The following DPYD variants were observed in gnomAD, a reference collection of about 807,000 sequenced individuals.
DPYD encodes dihydropyrimidine dehydrogenase [NADP(+)].
Under a neutral mutation model 116.2 loss-of-function variants are expected in DPYD, and 109 were observed. That is an observed-to-expected ratio of 0.94 (90% confidence interval 0.80 to 1.10). The LOEUF (loss-of-function observed/expected upper bound fraction) is 1.10. DPYD is among the 50% of genes least tolerant of loss of function. The probability of loss-of-function intolerance (pLI) is 0.00; values close to 1 mark genes in which losing one functional copy is unlikely to be tolerated. For missense variants in DPYD, 1,302 were observed against 1,254.5 expected, an observed-to-expected ratio of 1.04 and a Z score of -0.57; for synonymous variants, 440 against 432.0, an observed-to-expected ratio of 1.02 and a Z score of -0.23.
chr1:97,721,812 T>A, intron 4 of DPYD, 141 bp from the exon 5 acceptor site: 1 of 756,378 alleles, frequency 1.3e-6, no homozygotes, highest in Non-Finnish European at 2.1e-6. Flanking sequence ...TCAATACTAC[T>A]ATCAGGAACC....
At chr1:97,916,096 A>G (rs1674198258) in intron 1 of DPYD, among the ~76,000 whole-genome samples, 1 of 152,194 alleles carries the variant, frequency 6.6e-6, no homozygotes, top group Non-Finnish European at 1.5e-5. Flanking sequence ...AAAGAAAGGT[A>G]TGATTGCTTA....
At chr1:97,598,087 T>G (rs1427368960) in intron 8 of DPYD, among the ~76,000 whole-genome samples, 1 of 152,158 alleles carries the variant, frequency 6.6e-6, no homozygotes, top group Non-Finnish European at 1.5e-5. Flanking sequence ...TTAAGATAGG[T>G]TTATTCTATA....
chr1:97,205,012 T>C (rs1659492914), intron 19 of DPYD, among the ~76,000 whole-genome samples: 1 of 152,034 alleles, frequency 6.6e-6, no homozygotes, highest in South Asian at 2.1e-4. Context: ...TGCTTTTTAG[T>C]ACACTTTTAG....
intron 14 of DPYD, among the ~76,000 whole-genome samples, chr1:97,412,038 T>C (rs752303283): frequency 3.9e-5 from 6 of 152,238 alleles, no homozygotes; most frequent in Non-Finnish European, 5.9e-5. Flanking sequence ...TTACAATGCA[T>C]GCAAAGGGTA....
intron 3 of DPYD, 72 bp downstream of exon 3, chr1:97,828,042 G>T: frequency 7.0e-7 from 1 of 1,423,792 alleles, no homozygotes; most frequent in Non-Finnish European, 9.9e-7. Context: ...GAACTCATTT[G>T]TTCCCCAAAT....
At chr1:97,345,762 A>G (rs1372789115) in intron 16 of DPYD, among the ~76,000 whole-genome samples, 1 of 151,954 alleles carries the variant, frequency 6.6e-6, no homozygotes, top group African/African-American at 2.4e-5. Flanking sequence ...CACTTGCTTT[A>G]TATGATAACA....
intron 8 of DPYD, among the ~76,000 whole-genome samples, chr1:97,669,302 G>T (rs1283547426): frequency 6.6e-6 from 1 of 152,084 alleles, no homozygotes; most frequent in African/African-American, 2.4e-5. Context: ...CATTTTAAGA[G>T]TTTATGTTTC....
chr1:97,729,097 G>A lies in DPYD; in HGVS notation c.322-7426C>T, dbSNP rs189301816. ...CTACACATTTGGTTCAGTGAGCCTC[G>A]TTTAAGCCTATACATGTAAGGAAAT... On this transcript the variant is annotated intron_variant, in intron 4 of 22. Coordinates refer to ENST00000370192, the MANE Select transcript of DPYD (RefSeq NM_000110.4). 8.5e-5 allele frequency among the ~76,000 whole-genome samples: 13 copies of A among 152,088 alleles called. No homozygotes were observed. In the East Asian group the frequency reaches 1.9e-3, roughly 23 times the overall value.
chr1:97,548,335 CT>C (rs780878911), intron 12 of DPYD, among the ~76,000 whole-genome samples: 12 of 152,208 alleles, frequency 7.9e-5, no homozygotes, highest in Admixed American at 6.5e-4. Context: ...GGTAGTTACA[CT>C]TTTCTTCCTC....
In DPYD at chr1:97,170,683, T is replaced by C. The variant is rs533881034; in HGVS notation, c.2622+22386A>G. On this transcript the variant is annotated intron_variant, in intron 20 of 22. Coordinates refer to ENST00000370192, the MANE Select transcript of DPYD (RefSeq NM_000110.4). ...AATACTTTCTTCTTTCCATTTCTTT[T>C]TTTTTTTTTTGAGATAGAGTCCCGC... Among the ~76,000 whole-genome samples, 73 of 151,952 alleles carry C rather than the reference T, an allele frequency of 4.8e-4. 1 individual carries two copies. The highest frequency in any genetic ancestry group is 1.7e-3 in the African/African-American group (70 of 41,456).
intron 13 of DPYD, among the ~76,000 whole-genome samples, chr1:97,466,457 C>A (rs1276882363): frequency 3.3e-5 from 5 of 150,916 alleles, no homozygotes; most frequent in African/African-American, 1.2e-4. Context: ...GTAACAACGA[C>A]AACAAATACA....
chr1:97,624,890 G>A (rs970680077), intron 8 of DPYD, among the ~76,000 whole-genome samples: 1 of 151,976 alleles, frequency 6.6e-6, no homozygotes, highest in African/African-American at 2.4e-5. Context: ...GTTCTCACTT[G>A]GATGTCGAAT....
intron 19 of DPYD, among the ~76,000 whole-genome samples, chr1:97,212,838 A>G (rs1660125839): frequency 6.6e-6 from 1 of 152,154 alleles, no homozygotes; most frequent in Non-Finnish European, 1.5e-5. Context: ...TTCATATCAC[A>G]ACTTGCCATC....
intron 1 of DPYD, among the ~76,000 whole-genome samples, chr1:97,896,367 C>A (rs975688945): frequency 6.6e-6 from 1 of 151,714 alleles, no homozygotes; most frequent in African/African-American, 2.4e-5. Flanking sequence ...ATTCAGCTAC[C>A]CACTGAGTCT....
intron 16 of DPYD, among the ~76,000 whole-genome samples, chr1:97,367,923 G>A (rs1189552481): frequency 6.6e-6 from 1 of 151,886 alleles, no homozygotes; most frequent in Non-Finnish European, 1.5e-5. Flanking sequence ...GTATGCACTG[G>A]GTTTCTATCT....
At chr1:97,483,240 GT>G (rs1438524769) in intron 13 of DPYD, among the ~76,000 whole-genome samples, 1 of 152,158 alleles carries the variant, frequency 6.6e-6, no homozygotes. Flanking sequence ...TTCCTTTGCA[GT>G]CCTATCAGAA....
At chr1:97,108,786 G>A (rs1482051823) in intron 20 of DPYD, among the ~76,000 whole-genome samples, 5 of 151,948 alleles carry the variant, frequency 3.3e-5, no homozygotes. Context: ...TTGATGTCTA[G>A]TTACAAACTC....
chr1:97,782,575 G>A (rs780301084), intron 3 of DPYD, among the ~76,000 whole-genome samples: 2 of 152,084 alleles, frequency 1.3e-5, no homozygotes, highest in Non-Finnish European at 2.9e-5. Flanking sequence ...TTACTAAACT[G>A]TATTCTAATT....
At chr1:97,666,258 G>C (rs980619300) in intron 8 of DPYD, among the ~76,000 whole-genome samples, 1 of 151,924 alleles carries the variant, frequency 6.6e-6, no homozygotes, top group Non-Finnish European at 1.5e-5. Flanking sequence ...TTGCAGCCTT[G>C]ACCTCCTGGG....
Sources: gnomAD v4.1 joint callset for allele counts (sites outside exome capture counted in the v4.1 genomes callset) on GRCh38, gnomAD v4.1.1 for gene constraint, MANE v1.5 for transcripts, NCBI Gene and HGNC (gene_info 2026-07-23, HGNC 2026-07-21) for gene names.